Variants in ERI3 observed in about 807,000 individuals in gnomAD.
ERI3 encodes ERI1 exoribonuclease 3.
ERI3 carries 18 observed loss-of-function variants against 44.4 expected under a neutral mutation model. The ratio of observed to expected loss-of-function variants is 0.41; its 90% confidence interval spans 0.28 to 0.60. ERI3 has a LOEUF of 0.60. ERI3 is among the 20% of genes least tolerant of loss of function. The pLI, the probability that ERI3 is intolerant of heterozygous loss-of-function variation, is 0.36. For synonymous variants in ERI3, 183 were observed against 164.8 expected (o/e 1.11, Z -0.84); for missense variants, 294 against 435.5 (o/e 0.68, Z 2.89).
chr1:44,328,588 T>C (rs1487678436), intron 3 of ERI3, among the ~76,000 whole-genome samples: 1 of 152,146 alleles, frequency 6.6e-6, no homozygotes, highest in Admixed American at 6.5e-5. Context: ...TCTATTTCAG[T>C]ATATTTAGTA....
At chr1:44,318,366 G>C (rs1238039390) in intron 4 of ERI3, among the ~76,000 whole-genome samples, 1 of 152,162 alleles carries the variant, frequency 6.6e-6, no homozygotes, top group Non-Finnish European at 1.5e-5. Flanking sequence ...CATAAGCAAG[G>C]GAATTTTCAT....
chr1:44,319,898 C>T (rs781574298), intron 3 of ERI3, 154 bp from the exon 4 acceptor site: 114 of 633,812 alleles, frequency 1.8e-4, no homozygotes, highest in Admixed American at 1.8e-4. Flanking sequence ...TTGAGTGAGA[C>T]GGCACCAGCA....
At position 44,284,803 on chromosome 1, in the gene ERI3, G is replaced by C. The variant is rs1206621166; in HGVS notation, c.831+32C>G. ...AGCTCTGAGGCACAAGAGCACCAGG[G>C]GAAGCACCCAGTTGGGGCTCAGACA... On this transcript the variant is annotated intron_variant, in intron 7 of 8. Transcript: ENST00000372257. 6 of 1,578,772 alleles carry C rather than the reference G, an allele frequency of 3.8e-6. No individual in the cohort carries two copies. The East Asian group carries it at 1.3e-4, about 35-fold the overall frequency.
rs35475844 is a variant in ERI3, at chr1:44,324,476, CTTTTTTTTTT to C, written c.490-4742_490-4733del. ...CCAAGGGTTTCCTGCAACATAGACT[CTTTTTTTTTT>C]TTTTTTTTTTTTTGAGACGGAGTCT... On this transcript the variant is annotated intron_variant, in intron 3 of 8. Transcript: ENST00000372257. 4.4e-5 allele frequency among the ~76,000 whole-genome samples: 4 copies of C among 90,462 alleles called. No individual in the cohort carries two copies. The South Asian group carries it at 1.3e-3, about 28-fold the overall frequency. The allele number at this position is 90,462 out of a possible 152,430, so 59.3% of individuals were successfully genotyped here.
intron 7 of ERI3, among the ~76,000 whole-genome samples, chr1:44,255,650 C>T (rs1384677019): frequency 3.3e-5 from 5 of 152,172 alleles, no homozygotes; most frequent in African/African-American, 4.8e-5. Context: ...GGATTTCACA[C>T]AGACGCTTCA....
At chr1:44,347,799 C>T (rs561856992) in intron 2 of ERI3, among the ~76,000 whole-genome samples, 1 of 150,270 alleles carries the variant, frequency 6.7e-6, no homozygotes, top group South Asian at 2.1e-4. Context: ...GCATATTTGA[C>T]ATAATTCTTT....
At chr1:44,272,821 CAGAGCA>C (rs1026828039) in intron 7 of ERI3, among the ~76,000 whole-genome samples, 3 of 149,876 alleles carry the variant, frequency 2.0e-5, no homozygotes, top group African/African-American at 7.5e-5. Flanking sequence ...GCCTAGGTGA[CAGAGCA>C]AGAGACTGTC....
rs1015951126 is a variant in ERI3, at chr1:44,240,330, G to A, written c.931+7609C>T. 2.3e-3 allele frequency among the ~76,000 whole-genome samples: 349 copies of A among 152,322 alleles called. 1 individual carries two copies. The highest frequency in any genetic ancestry group is 8.2e-3 in the African/African-American group (340 of 41,562). On this transcript the variant is annotated intron_variant, in intron 8 of 8. Transcript: ENST00000372257. ...GCCTGGCTTGGGCTGGTTTAGCCTA[G>A]TAGGAGGTTTGAGTCAGGGTCTGTG...
chr1:44,282,659 G>C (rs1458850646), intron 7 of ERI3, among the ~76,000 whole-genome samples: 1 of 152,188 alleles, frequency 6.6e-6, no homozygotes, highest in East Asian at 1.9e-4. Flanking sequence ...CTAAAGTCCA[G>C]AGTTAAGCCA....
intron 1 of ERI3, 109 bp from the exon 2 acceptor site, chr1:44,353,034 C>T (rs1488846931): frequency 1.9e-6 from 3 of 1,563,144 alleles, no homozygotes; most frequent in Non-Finnish European, 2.6e-6. Context: ...GGGATAACTG[C>T]TATCTATGTG....
chr1:44,224,392 C>T (rs1223141733), intron 8 of ERI3, among the ~76,000 whole-genome samples: 1 of 152,188 alleles, frequency 6.6e-6, no homozygotes, highest in Admixed American at 6.5e-5. Context: ...TCTCAAGGAC[C>T]CACTCACTGT....
chr1:44,340,937 C>T (rs1477312772), intron 2 of ERI3, among the ~76,000 whole-genome samples: 1 of 152,170 alleles, frequency 6.6e-6, no homozygotes, highest in African/African-American at 2.4e-5. Context: ...CTGAATAGTA[C>T]TGGAAGCCTT....
chr1:44,260,539 G>C (rs1415046737), intron 7 of ERI3, among the ~76,000 whole-genome samples: 1 of 152,192 alleles, frequency 6.6e-6, no homozygotes, highest in Non-Finnish European at 1.5e-5. Context: ...AGAGGAGAGA[G>C]GCCCATTGTA....
chr1:44,284,994 C>G (rs1031357353), intron 6 of ERI3, 87 bp from the exon 7 acceptor site: 2 of 1,137,680 alleles, frequency 1.8e-6, no homozygotes, highest in Non-Finnish European at 2.6e-6. Context: ...ACAGAGCATA[C>G]AAGACAAACA....
chr1:44,276,152 C>G (rs1206711214), intron 7 of ERI3, among the ~76,000 whole-genome samples: 1 of 152,180 alleles, frequency 6.6e-6, no homozygotes, highest in East Asian at 1.9e-4. Context: ...CACTCCTGCC[C>G]CAGGGAGGAC....
chr1:44,323,360 G>A (rs571856297), intron 3 of ERI3, among the ~76,000 whole-genome samples: 5 of 152,278 alleles, frequency 3.3e-5, no homozygotes, highest in East Asian at 1.9e-4. Flanking sequence ...GTGGAGGGAC[G>A]TACACAGTGT....
intron 2 of ERI3, among the ~76,000 whole-genome samples, chr1:44,344,496 T>C (rs1438402038): frequency 6.6e-6 from 1 of 152,146 alleles, no homozygotes; most frequent in Non-Finnish European, 1.5e-5. Context: ...CCCACTTCAC[T>C]GGCACTCCTG....
At position 44,352,863 on chromosome 1, in the gene ERI3, G is replaced by A. The variant is rs1028731943; in HGVS notation, c.198C>T (p.Phe66=). 4.7e-5 allele frequency: 76 copies of A among 1,613,786 alleles called. No homozygotes were observed. The highest frequency in any genetic ancestry group is 1.1e-4 in the African/African-American group (8 of 74,800). ...CAGGATTCTCACCTCTCCTTACTTC[G>A]AAGATGCCAAGACCGGCAGCTGGGG... ...SASPAAGLGI[F]EVRRVLDASG... The change falls in exon 2 of 9, where the codon TTC becomes TTT. Residue 66 remains phenylalanine, a synonymous_variant. Coordinates refer to ENST00000372257, the MANE Select transcript of ERI3 (RefSeq NM_024066.3).
At chr1:44,322,336 A>G (rs981277659) in intron 3 of ERI3, among the ~76,000 whole-genome samples, 4 of 150,852 alleles carry the variant, frequency 2.7e-5, no homozygotes, top group Middle Eastern at 3.4e-3. Flanking sequence ...GCTGAAACTC[A>G]GTGCCATGCT....
Sources: allele counts gnomAD v4.1 joint callset (sites outside exome capture counted in the v4.1 genomes callset), GRCh38; gene constraint gnomAD v4.1.1; transcripts MANE v1.5; gene names NCBI Gene and HGNC (gene_info 2026-07-23, HGNC 2026-07-21).